The following CCDC13 variants were observed in gnomAD, a reference collection of about 807,000 sequenced individuals.
The protein encoded by CCDC13 is coiled-coil domain containing 13.
Under a neutral mutation model 87.3 loss-of-function variants are expected in CCDC13, and 70 were observed. The ratio of observed to expected loss-of-function variants is 0.80; its 90% CI spans 0.66 to 0.98. The LOEUF (loss-of-function observed/expected upper bound fraction) is 0.98. Ranked by LOEUF, CCDC13 falls within the 50% of genes least tolerant of loss-of-function variation. The pLI, the probability that CCDC13 is intolerant of heterozygous loss-of-function variation, is 0.00. For synonymous variants in CCDC13, 317 were observed against 360.3 expected, an observed-to-expected ratio of 0.88 and a Z score of 1.36; for missense variants, 842 against 892.0, an observed-to-expected ratio of 0.94 and a Z score of 0.71.
chr3:42,710,113 CTTTTTTTT>C (rs1200200759), intron 14 of CCDC13, among the ~76,000 whole-genome samples: 2 of 137,508 alleles, frequency 1.5e-5, no homozygotes, highest in African/African-American at 5.4e-5. Flanking sequence ...TTTTTTTTTT[CTTTTTTTT>C]TTTTTTGAGA....
intron 13 of CCDC13, among the ~76,000 whole-genome samples, chr3:42,719,749 C>G (rs113723200): frequency 1.7e-4 from 26 of 152,308 alleles, no homozygotes; most frequent in African/African-American, 3.8e-4. Flanking sequence ...TCTCTTTTCA[C>G]AATGGCAGCC....
chr3:42,742,116 A>C (rs1398082286), intron 8 of CCDC13, among the ~76,000 whole-genome samples: 1 of 152,198 alleles, frequency 6.6e-6, no homozygotes, highest in Non-Finnish European at 1.5e-5. Flanking sequence ...TGGGGAGGCT[A>C]ACTCATCCCC....
chr3:42,743,774 G>A (rs1018513706), intron 7 of CCDC13, among the ~76,000 whole-genome samples: 2 of 151,654 alleles, frequency 1.3e-5, no homozygotes, highest in African/African-American at 2.4e-5. Flanking sequence ...CCAAAGTGCT[G>A]GGCAAGGAGG....
At chr3:42,767,935 T>A (rs564585564) in intron 1 of CCDC13, among the ~76,000 whole-genome samples, 4 of 151,344 alleles carry the variant, frequency 2.6e-5, no homozygotes, top group African/African-American at 9.7e-5. Context: ...GATCGTGACA[T>A]TGCACTCCAG....
intron 3 of CCDC13, among the ~76,000 whole-genome samples, chr3:42,753,196 G>C (rs1699627198): frequency 6.6e-6 from 1 of 152,158 alleles, no homozygotes; most frequent in Admixed American, 6.5e-5. Context: ...AGTTAAATTC[G>C]CTGTGTTTGC....
intron 6 of CCDC13, 32 bp downstream of exon 6, chr3:42,747,225 A>G (rs1029150105): frequency 2.6e-6 from 4 of 1,551,548 alleles, no homozygotes; most frequent in Admixed American, 1.7e-5. Flanking sequence ...CCCCAGCCAC[A>G]CAAGAAGCCC....
intron 9 of CCDC13, 68 bp from the exon 10 acceptor site, chr3:42,735,981 G>C: frequency 1.4e-6 from 2 of 1,460,534 alleles, no homozygotes; most frequent in South Asian, 2.4e-5. Context: ...GACAAGAACA[G>C]ACTGCCTCCC....
At chr3:42,722,685 A>G (rs1698592291) in intron 13 of CCDC13, among the ~76,000 whole-genome samples, 2 of 152,110 alleles carry the variant, frequency 1.3e-5, no homozygotes, top group African/African-American at 4.8e-5. Flanking sequence ...GGCATGAATA[A>G]TCCACCTCTT....
At chr3:42,758,095 A>ACC (rs1553692960) in intron 2 of CCDC13, 30 bp downstream of exon 2, 29 of 1,466,026 alleles carry the variant, frequency 2.0e-5, no homozygotes, top group East Asian at 4.6e-5. Context: ...ACACACACAC[A>ACC]CCCCTGAGAG....
At chr3:42,761,233 C>T (rs1243297945) in intron 1 of CCDC13, among the ~76,000 whole-genome samples, 3 of 152,184 alleles carry the variant, frequency 2.0e-5, no homozygotes, top group Admixed American at 1.3e-4. Flanking sequence ...GCCCCCATGT[C>T]TCCATTCCCA....
intron 1 of CCDC13, among the ~76,000 whole-genome samples, chr3:42,767,138 T>C (rs1006516623): frequency 1.3e-5 from 2 of 151,894 alleles, no homozygotes; most frequent in South Asian, 2.1e-4. Context: ...AGATGACTGA[T>C]TGTCTATGCA....
intron 14 of CCDC13, among the ~76,000 whole-genome samples, chr3:42,711,797 C>T (rs1575266646): frequency 3.9e-5 from 6 of 152,286 alleles, no homozygotes; most frequent in African/African-American, 1.2e-4. Context: ...AGGATTTTGC[C>T]CATGTTAAAA....
rs1698350337 is a variant in CCDC13, at chr3:42,713,080, G to T, written c.1873+82C>A. 6.0e-6 allele frequency: 9 copies of T among 1,494,568 alleles called. No homozygotes were observed. The Admixed American group carries it at 1.7e-4, about 28-fold the overall frequency. The allele number at this position is 1,494,568 out of a possible 1,614,324, so 92.6% of individuals were successfully genotyped here. On this transcript the variant is annotated intron_variant, in intron 14 of 15. Coordinates refer to ENST00000310232, the MANE Select transcript of CCDC13 (RefSeq NM_144719.4). ...CTTCCCACATGCTCACTGATGGGCT[G>T]AACAGTGCAGCTGCCTGGCTCCTCT...
chr3:42,752,438 C>A (rs1699607822), intron 4 of CCDC13, 137 bp downstream of exon 4: 22 of 1,060,232 alleles, frequency 2.1e-5, no homozygotes, highest in Non-Finnish European at 3.0e-5. Context: ...GCAGCACCAC[C>A]ATATACTGCG....
intron 1 of CCDC13, among the ~76,000 whole-genome samples, chr3:42,761,445 G>A (rs937719360): frequency 2.0e-5 from 3 of 152,138 alleles, no homozygotes; most frequent in Admixed American, 6.5e-5. Context: ...CCATGGCACT[G>A]AGAGTCATCT....
chr3:42,762,831 C>T (rs963126039), intron 1 of CCDC13, among the ~76,000 whole-genome samples: 27 of 152,260 alleles, frequency 1.8e-4, no homozygotes, highest in African/African-American at 6.5e-4. Context: ...CACCTGTAAT[C>T]CCAGCACTTT....
At chr3:42,752,100 G>T in intron 4 of CCDC13, 75 bp from the exon 5 acceptor site, 1 of 1,263,640 alleles carries the variant, frequency 7.9e-7, no homozygotes, top group Non-Finnish European at 1.1e-6. Flanking sequence ...TGGTGCCATT[G>T]TGTGTGTGGT....
intron 13 of CCDC13, among the ~76,000 whole-genome samples, chr3:42,716,805 C>T (rs182830829): frequency 2.0e-3 from 309 of 152,276 alleles, no homozygotes; most frequent in African/African-American, 7.2e-3. Context: ...CATAAAATTA[C>T]CCTATGATCA....
At chr3:42,762,481 G>T (rs1294319616) in intron 1 of CCDC13, among the ~76,000 whole-genome samples, 1 of 152,298 alleles carries the variant, frequency 6.6e-6, no homozygotes, top group African/African-American at 2.4e-5. Flanking sequence ...GCTGGAGGGG[G>T]CTGGAGATCG....
Sources: gnomAD v4.1 joint callset for allele counts (sites outside exome capture counted in the v4.1 genomes callset) on GRCh38, gnomAD v4.1.1 for gene constraint, MANE v1.5 for transcripts, NCBI Gene and HGNC (gene_info 2026-07-23, HGNC 2026-07-21) for gene names.